MPP1: variants seen among roughly 807,000 people sequenced by gnomAD.
The protein encoded by MPP1 is 55 kDa erythrocyte membrane protein.
MPP1 carries 6 observed loss-of-function variants against 38.2 expected under a neutral mutation model. The ratio of observed to expected loss-of-function variants is 0.16; its 90% CI spans 0.09 to 0.31. The LOEUF (loss-of-function observed/expected upper bound fraction) is 0.31, where lower values mean the gene tolerates loss of function less well. Ranked by LOEUF, MPP1 falls within the 10% of genes least tolerant of loss-of-function variation. MPP1 has a pLI of 1.00. For synonymous variants in MPP1, 153 were observed against 146.3 expected (o/e 1.05, Z -0.33); for missense variants, 293 against 368.9 (o/e 0.79, Z 1.69).
intron 9 of MPP1, chrX:154,782,625 G>A (rs1275901101): frequency 8.9e-6 from 1 of 112,335 alleles, no homozygotes; most frequent in Non-Finnish European, 1.9e-5. Flanking sequence ...TTTAGAATCT[G>A]GTTTTCTATT....
Position 154,805,299 on chromosome X carries a change from ATGC to A in MPP1, c.72_74del (p.Glu24_His25delinsAsp). The A allele has an allele frequency of 8.3e-7, 1 of 1,207,331 alleles. No homozygotes were observed. Among genetic ancestry groups the A allele is most frequent in the Non-Finnish European group, 1.1e-6 (1 of 893,103 alleles). ...CTGGCCGACTACGCTTCTGCAGCAAATGCTCCAGGTAGAGGTCGGAGAGCGCCG... is the reference window on the plus strand; with the variant it reads ...CTGGCCGACTACGCTTCTGCAGCAAATCCAGGTAGAGGTCGGAGAGCGCCG... On this transcript the variant is annotated inframe_deletion, in exon 1 of 12. Coordinates refer to ENST00000369534, the MANE Select transcript of MPP1 (RefSeq NM_002436.4).
intron 1 of MPP1, chrX:154,792,549 T>C (rs2072154529): frequency 1.1e-5 from 3 of 281,433 alleles, no homozygotes; most frequent in Non-Finnish European, 1.9e-5. Flanking sequence ...TAAAAATAAA[T>C]AAAATAGACA....
In MPP1 at chrX:154,786,303, T is replaced by C; in HGVS notation, c.578A>G (p.Gln193Arg). The C allele has an allele frequency of 1.7e-6, 2 of 1,211,655 alleles. No individual in the cohort carries two copies. The highest frequency in any genetic ancestry group is 2.2e-5 in the Admixed American group (1 of 46,085). Residue 193 changes from glutamine to arginine, a missense_variant, in exon 6 of 12, where the codon CAG (glutamine) becomes CGG (arginine). Physicochemically the swap from Gln to Arg is conservative, Grantham distance 43. Coordinates refer to ENST00000369534, the MANE Select transcript of MPP1 (RefSeq NM_002436.4). ...ATTGCTGTCATCCTTGTTGATAATC[T>C]GGATAATGTCCCCAGTAGCAAACTT... is the stretch of plus-strand genomic sequence containing the variant. The part of the protein sequence containing the change: ...GLKFATGDII[Q>R]IINKDDSNWW...
chrX:154,801,289 G>A (rs2072258313), intron 1 of MPP1, among the ~76,000 whole-genome samples: 1 of 112,310 alleles, frequency 8.9e-6, no homozygotes, highest in African/African-American at 3.2e-5. Flanking sequence ...TAAGGGAATT[G>A]ATCTTAACCT....
chrX:154,781,507 T>C, intron 10 of MPP1, 93 bp downstream of exon 10: 1 of 1,005,451 alleles, frequency 9.9e-7, no homozygotes, highest in Non-Finnish European at 1.4e-6. Context: ...GCTGAAGCAA[T>C]CCTGAGCCCC....
In MPP1 at chrX:154,791,572, G is replaced by T. The variant is rs2072141985; in HGVS notation, c.325+197C>A. ...AGAAGGCTCAGATAGGGAGATGGTGGCACTGGGCAATTCACATAGAGATCT... is the reference window on the plus strand; with the variant it reads ...AGAAGGCTCAGATAGGGAGATGGTGTCACTGGGCAATTCACATAGAGATCT... On this transcript the variant is annotated intron_variant, in intron 3 of 11. Coordinates refer to ENST00000369534, the MANE Select transcript of MPP1 (RefSeq NM_002436.4). The T allele has an allele frequency of 1.0e-5, 4 of 390,610 alleles. No individual in the cohort carries two copies. In the East Asian group the frequency reaches 1.5e-4, roughly 15 times the overall value. The allele number at this position is 390,610 out of a possible 1,213,427, so 32.2% of individuals were successfully genotyped here.
rs782318569 is a variant in MPP1 at position 154,792,236 on chromosome X, C to T, written c.152G>A (p.Gly51Glu). The change falls in exon 2 of 12, where the codon GGG (glycine) becomes GAG (glutamate). Residue 51 changes from glycine to glutamate, a missense_variant. Transcript: ENST00000369534. ...NTVTEDMYTNGSPAPGSPAQV... is the reference protein window; with the variant it reads ...NTVTEDMYTNESPAPGSPAQV... The stretch of plus-strand genomic sequence containing the variant: ...GGCAGGGCTACCTGGGGCAGGAGAC[C>T]CGTTGGTGTACATGTCCTCGGTCAC... 5.0e-5 allele frequency: 61 copies of T among 1,210,343 alleles called. 1 individual carries two copies. The South Asian group carries it at 7.6e-4, about 15-fold the overall frequency.
At position 154,805,451 on chromosome X, in the gene MPP1, G is replaced by A; in HGVS notation, c.-78C>T. The A allele has an allele frequency of 2.1e-6, 2 of 967,487 alleles. No individual in the cohort carries two copies. Among genetic ancestry groups the A allele is most frequent in the African/African-American group, 1.9e-5 (1 of 51,769 alleles). The allele number at this position is 967,487 out of a possible 1,213,427, so 79.7% of individuals were successfully genotyped here. A position where few individuals can be genotyped will look rare whatever the true frequency, so the allele number is the denominator to read the frequency against. On this transcript the variant is annotated 5_prime_UTR_variant, in exon 1 of 12. Transcript: ENST00000369534. ...AGGGCCCGGGGCCTGCGGGGCTGCG[G>A]AGAAGGCGGGAGACGCGGTGCGGCT...
At chrX:154,780,595 G>A (rs1378710971) in intron 11 of MPP1, among the ~76,000 whole-genome samples, 5 of 111,520 alleles carry the variant, frequency 4.5e-5, no homozygotes, top group Admixed American at 3.7e-4. Flanking sequence ...TTCTAAGTGT[G>A]TGTGCTCTTG....
intron 1 of MPP1, among the ~76,000 whole-genome samples, chrX:154,797,303 G>T (rs2072208101): frequency 9.0e-6 from 1 of 111,407 alleles, no homozygotes; most frequent in South Asian, 3.8e-4. Flanking sequence ...TCACTCACTT[G>T]GTCCATGTAG....
chrX:154,792,866 G>A (rs1305683917), intron 1 of MPP1, among the ~76,000 whole-genome samples: 1 of 111,054 alleles, frequency 9.0e-6, no homozygotes, highest in South Asian at 3.8e-4. Flanking sequence ...CCCGAACCGC[G>A]GTGATAACAA....
Sources: gnomAD v4.1 joint callset for allele counts (sites outside exome capture counted in the v4.1 genomes callset) on GRCh38, gnomAD v4.1.1 for gene constraint, MANE v1.5 for transcripts, NCBI Gene and HGNC (gene_info 2026-07-23, HGNC 2026-07-21) for gene names.